Variants in DST observed in about 807,000 individuals in gnomAD.
The protein encoded by DST is bullous pemphigoid antigen.
DST carries 253 observed loss-of-function variants against 875.2 expected under a neutral mutation model. The ratio of observed to expected loss-of-function variants is 0.29; its 90% CI spans 0.26 to 0.32. The LOEUF (loss-of-function observed/expected upper bound fraction) is 0.32, where lower values mean the gene tolerates loss of function less well. Among genes scored for constraint, DST ranks in the 10% least tolerant of loss-of-function variants. DST has a pLI of 1.00. For synonymous variants in DST, 3,124 were observed against 3,197.1 expected, an observed-to-expected ratio of 0.98 and a Z score of 0.77; for missense variants, 8,287 against 9,111.6, an observed-to-expected ratio of 0.91 and a Z score of 3.68.
Position 56,628,137 on chromosome 6 carries a change from G to C in DST, c.4500C>G (p.Gly1500=), listed in dbSNP as rs781709685. ...DNRLRDLEGI[G]KSLKYYRDTY... ...TGTCTCTGTAGTACTTCAGTGATTT[G>C]CCAATGCCCTCTAAGTCCCGTAACC... The change falls in exon 33 of 104, where the codon GGC becomes GGG. Residue 1500 remains glycine, a synonymous_variant. Coordinates refer to ENST00000680361, the MANE Select transcript of DST (RefSeq NM_001374736.1). The C allele has an allele frequency of 3.7e-6, 6 of 1,613,636 alleles. No individual in the cohort carries two copies. In the African/African-American group the frequency reaches 8.0e-5, roughly 22 times the overall value.
chr6:56,788,749 T>C (rs912098666), intron 4 of DST, among the ~76,000 whole-genome samples: 4 of 152,252 alleles, frequency 2.6e-5, no homozygotes, highest in African/African-American at 9.6e-5. Context: ...TTGATAAATG[T>C]ACCATAACCT....
intron 5 of DST, among the ~76,000 whole-genome samples, chr6:56,724,828 T>C (rs1178610455): frequency 2.0e-5 from 3 of 152,186 alleles, no homozygotes; most frequent in Non-Finnish European, 4.4e-5. Context: ...CCCTTTTCAA[T>C]ATATAGGCAA....
At chr6:56,460,866 T>C (rs576042200) in intron 102 of DST, 1 of 152,298 alleles carries the variant, frequency 6.6e-6, no homozygotes, top group East Asian at 1.9e-4. Flanking sequence ...ACAGACAAAA[T>C]ACATAGGCAA....
At position 56,611,534 on chromosome 6, in the gene DST, C is replaced by G; in HGVS notation, c.5121G>C (p.Gln1707His). ...EQLSEALQTI[Q>H]LFLAKHGDKM... ...TGTCTCCATGTTTTGCCAAAAAAAG[C>G]TGTATAGTTTGAAGTGCTTCCGATA... The change falls in exon 38 of 104, where the codon CAG (glutamine) becomes CAC (histidine). Residue 1707 changes from glutamine (Q) to histidine (H), a missense_variant. Around this residue, in one of 10 missense-constraint regions of DST, gnomAD observed 3,138 missense variants for 3,116.6 expected, o/e 1.01. Coordinates refer to ENST00000680361, the MANE Select transcript of DST (RefSeq NM_001374736.1). 6.2e-7 allele frequency: 1 copy of G among 1,612,754 alleles called. No homozygotes were observed. Among genetic ancestry groups the G allele is most frequent in the East Asian group, 2.2e-5 (1 of 44,784 alleles).
At chr6:56,528,754 T>C in intron 67 of DST, 87 bp downstream of exon 67, 1 of 904,606 alleles carries the variant, frequency 1.1e-6, no homozygotes. Flanking sequence ...AATTATAAAG[T>C]GTTTTGGTTT....
intron 10 of DST, among the ~76,000 whole-genome samples, chr6:56,652,034 T>C (rs1370129309): frequency 6.6e-6 from 1 of 152,218 alleles, no homozygotes; most frequent in Non-Finnish European, 1.5e-5. Flanking sequence ...CTTAGTAATC[T>C]GAATCATAAA....
chr6:56,655,455 TC>T (rs1489371119), intron 10 of DST, among the ~76,000 whole-genome samples: 2 of 152,116 alleles, frequency 1.3e-5, no homozygotes, highest in Non-Finnish European at 2.9e-5. Flanking sequence ...ATGGCCACAG[TC>T]CAAATCGGGA....
At chr6:56,659,186 A>T (rs1402389743) in intron 10 of DST, among the ~76,000 whole-genome samples, 4 of 152,250 alleles carry the variant, frequency 2.6e-5, no homozygotes, top group African/African-American at 7.2e-5. Context: ...AGAATGTGGC[A>T]GCAGTGGATA....
intron 77 of DST, among the ~76,000 whole-genome samples, chr6:56,504,857 G>A (rs896722933): frequency 1.3e-5 from 2 of 151,622 alleles, no homozygotes; most frequent in Non-Finnish European, 2.9e-5. Context: ...CACCATGGCT[G>A]GCTAATAAAA....
At chr6:56,563,196 C>G (rs1162809514) in intron 55 of DST, among the ~76,000 whole-genome samples, 5 of 152,176 alleles carry the variant, frequency 3.3e-5, no homozygotes, top group African/African-American at 1.2e-4. Flanking sequence ...AATTTACACT[C>G]CCATCAACAG....
chr6:56,514,907 C>T (rs952272160), intron 72 of DST, among the ~76,000 whole-genome samples: 1 of 152,178 alleles, frequency 6.6e-6, no homozygotes, highest in Non-Finnish European at 1.5e-5. Context: ...CTTACAGGAA[C>T]AAGAACTTCA....
At position 56,639,170 on chromosome 6, in the gene DST, G is replaced by A. The variant is rs987942801; in HGVS notation, c.2964+89C>T. The A allele has an allele frequency of 2.4e-5, 27 of 1,145,316 alleles. No homozygotes were observed. The East Asian group carries it at 5.6e-4, about 24-fold the overall frequency. 70.9% of individuals were successfully genotyped at this position (1,145,316 alleles called of 1,614,324 possible). A position where few individuals can be genotyped will look rare whatever the true frequency, so the allele number is the denominator to read the frequency against. On this transcript the variant is annotated intron_variant, in intron 22 of 103. Coordinates refer to ENST00000680361, the MANE Select transcript of DST (RefSeq NM_001374736.1). ...GGTTTTAATAAAAGTTAGATGGCTT[G>A]TAATTTTCAACTTCTCAGCAATAAA...
Position 56,729,901 on chromosome 6 carries a change from A to G in DST, c.687+5327T>C, listed in dbSNP as rs76602961. Among the ~76,000 whole-genome samples, 978 of 152,322 alleles carry G rather than the reference A, an allele frequency of 6.4e-3. 12 individuals carry two copies. Among genetic ancestry groups the G allele is most frequent in the African/African-American group, 0.023 (948 of 41,562 alleles). ...AAGCTTTCCAAAGTCGTGATGGAAC[A>G]GTGATAAAATCTGTGATAGTCAGTT... On this transcript the variant is annotated intron_variant, in intron 5 of 103. Transcript: ENST00000680361.
chr6:56,663,257 A>T (rs912076138), intron 10 of DST, among the ~76,000 whole-genome samples: 1 of 152,230 alleles, frequency 6.6e-6, no homozygotes, highest in African/African-American at 2.4e-5. Context: ...GAATTTTAAA[A>T]TGTGATAATG....
chr6:56,601,912 G>C, intron 43 of DST: 4 of 447,884 alleles, frequency 8.9e-6, no homozygotes, highest in Non-Finnish European at 1.6e-5. Flanking sequence ...CTCTAAAAAT[G>C]TTTTATCTTT....
chr6:56,476,080 G>C, intron 92 of DST, 69 bp downstream of exon 92: 1 of 1,308,410 alleles, frequency 7.6e-7, no homozygotes, highest in Non-Finnish European at 1.1e-6. Context: ...GTTTTGAGAA[G>C]TACAGCAGTG....
intron 98 of DST, among the ~76,000 whole-genome samples, 168 bp downstream of exon 98, chr6:56,468,814 C>T (rs2094723238): frequency 1.3e-5 from 2 of 152,114 alleles, no homozygotes; most frequent in Non-Finnish European, 2.9e-5. Flanking sequence ...AAAAAGGAAT[C>T]CTGGATCAAG....
chr6:56,758,161 C>G (rs1351840469), intron 4 of DST, among the ~76,000 whole-genome samples: 1 of 152,188 alleles, frequency 6.6e-6, no homozygotes, highest in Non-Finnish European at 1.5e-5. Flanking sequence ...TAATTATTAG[C>G]TAGGTGCAAA....
In DST at chr6:56,536,897, T is replaced by C; in HGVS notation, c.16652A>G (p.Gln5551Arg). Residue 5551 changes from glutamine to arginine, a missense_variant, in exon 62 of 104, where the codon CAA (glutamine) becomes CGA (arginine). Around this residue, in one of 10 missense-constraint regions of DST, gnomAD observed 777 missense variants for 764.8 expected, o/e 1.02. Transcript: ENST00000680361. ...EEIEPLQGKQ[Q>R]DVNWLGQGLI... ...GCCTTGACCTAACCAGTTTACATCTTGCTGTTTACCTTGCAAGGGTTCAAT... is the reference window on the plus strand; with the variant it reads ...GCCTTGACCTAACCAGTTTACATCTCGCTGTTTACCTTGCAAGGGTTCAAT... 9 of 1,613,968 alleles carry C rather than the reference T, an allele frequency of 5.6e-6. No homozygotes were observed. The highest frequency in any genetic ancestry group is 7.6e-6 in the Non-Finnish European group (9 of 1,179,846).
Sources: gnomAD v4.1 joint callset for allele counts (sites outside exome capture counted in the v4.1 genomes callset) on GRCh38, gnomAD v4.1.1 for gene constraint, gnomAD v4.1.1 regional missense constraint, MANE v1.5 for transcripts, NCBI Gene and HGNC (gene_info 2026-07-23, HGNC 2026-07-21) for gene names.